The following MYH10 variants were observed in gnomAD, a reference collection of about 807,000 sequenced individuals.
The protein encoded by MYH10 is myosin heavy chain 10.
Under a neutral mutation model 257.8 loss-of-function variants are expected in MYH10, and 55 were observed. The ratio of observed to expected loss-of-function variants is 0.21; its 90% CI spans 0.17 to 0.27. The LOEUF (loss-of-function observed/expected upper bound fraction) is 0.27. Among genes scored for constraint, MYH10 ranks in the 10% least tolerant of loss-of-function variants. The pLI is 1.00. For synonymous variants in MYH10, 854 were observed against 921.7 expected (o/e 0.93, Z 1.33); for missense variants, 1,631 against 2,500.6 (o/e 0.65, Z 7.42).
In MYH10 at chr17:8,626,582, AAT is replaced by A. The variant is rs1568001077; in HGVS notation, c.-31-3307_-31-3306del. Among the ~76,000 whole-genome samples the A allele has an allele frequency of 9.4e-5, 7 of 74,356 alleles. 1 individual carries two copies. Among genetic ancestry groups the A allele is most frequent in the Admixed American group, 7.2e-4 (4 of 5,566 alleles). 48.8% of individuals were successfully genotyped at this position (74,356 alleles called of 152,430 possible). On this transcript the variant is annotated intron_variant, in intron 1 of 42. Coordinates refer to ENST00000360416, the MANE Select transcript of MYH10 (RefSeq NM_001256012.3). ...ACTCTGTCTCAAAATAATAATAAAT[AAT>A]AATAATAATAATAATAATAATAATA...
At chr17:8,625,611 C>T (rs2085645990) in intron 1 of MYH10, among the ~76,000 whole-genome samples, 1 of 152,088 alleles carries the variant, frequency 6.6e-6, no homozygotes, top group Non-Finnish European at 1.5e-5. Flanking sequence ...TCCCAAGTAG[C>T]TGGGATTACA....
At chr17:8,526,144 T>C (rs765187041) in intron 17 of MYH10, among the ~76,000 whole-genome samples, 9 of 152,332 alleles carry the variant, frequency 5.9e-5, no homozygotes, top group Non-Finnish European at 1.2e-4. Context: ...CAAAATCATC[T>C]TGTGGGTAAA....
At chr17:8,605,711 C>CTGG (rs2040485867) in intron 2 of MYH10, among the ~76,000 whole-genome samples, 1 of 152,162 alleles carries the variant, frequency 6.6e-6, no homozygotes, top group South Asian at 2.1e-4. Context: ...CATCACTGTA[C>CTGG]TCCAGCCTGG....
intron 7 of MYH10, among the ~76,000 whole-genome samples, chr17:8,555,891 A>G (rs563696366): frequency 1.0e-3 from 155 of 151,628 alleles, no homozygotes; most frequent in Non-Finnish European, 1.9e-3. Context: ...AACACATGTG[A>G]TAAAAGGCTT....
At chr17:8,493,212 C>T (rs1006622177) in intron 32 of MYH10, among the ~76,000 whole-genome samples, 188 bp from the exon 33 acceptor site, 10 of 151,968 alleles carry the variant, frequency 6.6e-5, no homozygotes, top group Non-Finnish European at 1.0e-4. Flanking sequence ...ATACAAAAAT[C>T]GCCTGTCTGT....
At chr17:8,555,058 C>T (rs1357499394) in intron 7 of MYH10, among the ~76,000 whole-genome samples, 2 of 150,872 alleles carry the variant, frequency 1.3e-5, no homozygotes. Context: ...GAGCCGAGAT[C>T]ACACCACTGC....
intron 17 of MYH10, among the ~76,000 whole-genome samples, chr17:8,526,843 A>G (rs575064372): frequency 2.3e-4 from 35 of 152,326 alleles, no homozygotes; most frequent in African/African-American, 8.4e-4. Flanking sequence ...TATTTAAGCT[A>G]GATCTTCAGA....
chr17:8,586,604 G>A (rs2083924843), intron 4 of MYH10, among the ~76,000 whole-genome samples: 1 of 152,196 alleles, frequency 6.6e-6, no homozygotes, highest in Non-Finnish European at 1.5e-5. Context: ...TACCCAAGAA[G>A]AGATAAACCC....
Position 8,535,366 on chromosome 17 carries a change from C to T in MYH10, c.1894+21G>A. The T allele has an allele frequency of 6.4e-7, 1 of 1,573,202 alleles. No individual in the cohort carries two copies. Among genetic ancestry groups the T allele is most frequent in the Non-Finnish European group, 8.7e-7 (1 of 1,145,472 alleles). On this transcript the variant is annotated intron_variant, in intron 16 of 42. Coordinates refer to ENST00000360416, the MANE Select transcript of MYH10 (RefSeq NM_001256012.3). This position sits in a 1 kb window ranked among gnomAD's most constrained non-coding sequence, Gnocchi z 4.3. ...AAAAGATTCCAGCCAAGCATGATTA[C>T]AAAGATAAGCACTTTCTTACCATCT...
At position 8,487,513 on chromosome 17, in the gene MYH10, C is replaced by T; in HGVS notation, c.4966G>A (p.Asp1656Asn). ...ATTTGGGCTTCGAGGTCCTTCAGGTCTATCTCCATCTTTTTCTTTGAAGCT... is the reference window on the plus strand; with the variant it reads ...ATTTGGGCTTCGAGGTCCTTCAGGTTTATCTCCATCTTTTTCTTTGAAGCT... ...AVASKKKMEI[D>N]LKDLEAQIEA... is the part of the protein sequence containing the mutation. Residue 1656 changes from aspartate to asparagine, a missense_variant, in exon 36 of 43, where the codon GAC becomes AAC. Physicochemically the swap from Asp to Asn is conservative, Grantham distance 23. Around this residue, in one of 11 missense-constraint regions of MYH10, gnomAD observed 463 missense variants for 621.8 expected, o/e 0.74. Transcript: ENST00000360416. The T allele has an allele frequency of 6.2e-7, 1 of 1,614,218 alleles. No homozygotes were observed. Among genetic ancestry groups the T allele is most frequent in the Middle Eastern group, 1.7e-4 (1 of 6,060 alleles).
At chr17:8,584,188 G>C (rs1267343458) in intron 4 of MYH10, among the ~76,000 whole-genome samples, 1 of 152,180 alleles carries the variant, frequency 6.6e-6, no homozygotes, top group South Asian at 2.1e-4. Flanking sequence ...GCAAGTGGGA[G>C]CTCACAAGGC....
intron 34 of MYH10, among the ~76,000 whole-genome samples, chr17:8,491,968 C>A (rs551552628): frequency 1.8e-4 from 28 of 152,206 alleles, no homozygotes; most frequent in African/African-American, 6.5e-4. Context: ...TTGATAACTA[C>A]CTGTGACGGC....
intron 2 of MYH10, among the ~76,000 whole-genome samples, chr17:8,608,059 G>A (rs1166381321): frequency 6.6e-6 from 1 of 152,154 alleles, no homozygotes; most frequent in African/African-American, 2.4e-5. Context: ...GGATATACTC[G>A]AGGCAGTGCG....
Position 8,582,688 on chromosome 17 carries a change from T to C in MYH10, c.531-5350A>G, listed in dbSNP as rs149369809. On this transcript the variant is annotated intron_variant, in intron 4 of 42. Transcript: ENST00000360416. The stretch of plus-strand genomic sequence containing the variant: ...CTACAGCTTTGGCTTCTCAAAGGGA[T>C]GTGCAATCCAAAACAAAAACATAAA... Among the ~76,000 whole-genome samples, 18 of 152,338 alleles carry C rather than the reference T, an allele frequency of 1.2e-4. No homozygotes were observed. In the East Asian group the frequency reaches 3.5e-3, roughly 29 times the overall value.
intron 3 of MYH10, among the ~76,000 whole-genome samples, chr17:8,590,882 T>TTTTTA: frequency 7.2e-6 from 1 of 138,324 alleles, no homozygotes; most frequent in African/African-American, 2.7e-5. Flanking sequence ...CCTTTTTTTT[T>TTTTTA]TTTTTTTTGA....
chr17:8,495,362 A>G (rs1029619764), intron 30 of MYH10, 121 bp from the exon 31 acceptor site: 7 of 650,082 alleles, frequency 1.1e-5, no homozygotes, highest in African/African-American at 5.5e-5. Flanking sequence ...GAAACTACCC[A>G]TTCAGTTAAG....
At chr17:8,614,028 G>A (rs934121801) in intron 2 of MYH10, among the ~76,000 whole-genome samples, 7 of 152,140 alleles carry the variant, frequency 4.6e-5, no homozygotes, top group South Asian at 4.1e-4. Context: ...CTGTATATAC[G>A]TGATAATAGC....
chr17:8,629,884 C>T (rs923598580), intron 1 of MYH10, among the ~76,000 whole-genome samples: 3 of 151,822 alleles, frequency 2.0e-5, no homozygotes, highest in Non-Finnish European at 2.9e-5. Context: ...CTCCCGCGCT[C>T]CTTCCCCGGC....
chr17:8,609,503 A>G (rs2084944118), intron 2 of MYH10, among the ~76,000 whole-genome samples: 1 of 152,234 alleles, frequency 6.6e-6, no homozygotes, highest in Non-Finnish European at 1.5e-5. Flanking sequence ...AATTATCTAT[A>G]AAATAACTAA....
Sources: gnomAD v4.1 joint callset for allele counts (sites outside exome capture counted in the v4.1 genomes callset) on GRCh38, gnomAD v4.1.1 for gene constraint, gnomAD v4.1.1 regional missense constraint, Gnocchi (gnomAD v3.1) non-coding constraint, MANE v1.5 for transcripts, NCBI Gene and HGNC (gene_info 2026-07-23, HGNC 2026-07-21) for gene names.